The following TRIP12 variants were observed in gnomAD, a reference collection of about 807,000 sequenced individuals.
TRIP12 encodes E3 ubiquitin-protein ligase TRIP12.
TRIP12 carries 25 observed loss-of-function variants against 244.2 expected under a neutral mutation model. The ratio of observed to expected loss-of-function variants is 0.10; its 90% confidence interval spans 0.07 to 0.14. TRIP12 has a LOEUF of 0.14. Ranked by LOEUF, TRIP12 falls within the 10% of genes least tolerant of loss-of-function variation. The pLI is 1.00. For missense variants in TRIP12, 1,677 were observed against 2,486.4 expected, an observed-to-expected ratio of 0.67 and a Z score of 6.92; for synonymous variants, 905 against 873.1, an observed-to-expected ratio of 1.04 and a Z score of -0.64.
chr2:229,843,731 A>G (rs1204188243), intron 4 of TRIP12, among the ~76,000 whole-genome samples: 1 of 152,178 alleles, frequency 6.6e-6, no homozygotes, highest in Non-Finnish European at 1.5e-5. Flanking sequence ...AAATAAATAA[A>G]TAAAAATAAA....
chr2:229,831,931 T>C (rs1479897428), intron 6 of TRIP12, among the ~76,000 whole-genome samples: 2 of 150,144 alleles, frequency 1.3e-5, no homozygotes, highest in African/African-American at 4.9e-5. Context: ...ACATAAGCTC[T>C]TCCACAATAC....
At chr2:229,919,779 T>C (rs1461111038) in intron 1 of TRIP12, among the ~76,000 whole-genome samples, 1 of 152,150 alleles carries the variant, frequency 6.6e-6, no homozygotes, top group Non-Finnish European at 1.5e-5. Flanking sequence ...ATTGGCACAT[T>C]CATAGAAAGG....
chr2:229,799,121 T>C, intron 22 of TRIP12, 72 bp from the exon 23 acceptor site: 3 of 1,569,916 alleles, frequency 1.9e-6, no homozygotes, highest in Non-Finnish European at 2.6e-6. Context: ...ATTTTTAAGA[T>C]TCACAGTCTT....
At chr2:229,838,495 A>C (rs1436587352) in intron 5 of TRIP12, among the ~76,000 whole-genome samples, 1 of 152,234 alleles carries the variant, frequency 6.6e-6, no homozygotes, top group African/African-American at 2.4e-5. Context: ...TGCGCACAGC[A>C]TGATCATGCC....
chr2:229,824,857 A>G (rs74001438), intron 8 of TRIP12, among the ~76,000 whole-genome samples: 8,862 of 152,268 alleles, frequency 0.058, 863 homozygotes, highest in African/African-American at 0.2. Context: ...AAGCAAAAGA[A>G]GATAAGATTT....
intron 2 of TRIP12, among the ~76,000 whole-genome samples, chr2:229,861,669 C>G (rs2060506709): frequency 6.6e-6 from 1 of 152,180 alleles, no homozygotes; most frequent in African/African-American, 2.4e-5. Flanking sequence ...GTACAACCAT[C>G]TGTTCCAAAA....
chr2:229,818,983 CACA>C (rs2049194336), intron 8 of TRIP12, among the ~76,000 whole-genome samples: 1 of 150,848 alleles, frequency 6.6e-6, no homozygotes, highest in African/African-American at 2.4e-5. Flanking sequence ...AAATAAAAAA[CACA>C]ACAACGTATC....
upstream of TRIP12, chr2:229,922,509 C>G: frequency 1.2e-6 from 2 of 1,613,968 alleles, no homozygotes; most frequent in Non-Finnish European, 1.7e-6. Flanking sequence ...CGGTGGCGTC[C>G]CAAGATGGCG....
At chr2:229,862,534 A>C (rs2060641976) in intron 2 of TRIP12, among the ~76,000 whole-genome samples, 2 of 152,220 alleles carry the variant, frequency 1.3e-5, no homozygotes, top group Non-Finnish European at 2.9e-5. Flanking sequence ...TTTCATTTTA[A>C]AATTTAAAAT....
chr2:229,878,455 A>G (rs964059700), intron 2 of TRIP12, among the ~76,000 whole-genome samples: 2 of 151,772 alleles, frequency 1.3e-5, no homozygotes, highest in African/African-American at 2.4e-5. Flanking sequence ...AAAAAAAAAA[A>G]AAAGAAAACA....
chr2:229,792,807 T>C (rs577043462), intron 27 of TRIP12, among the ~76,000 whole-genome samples, 166 bp downstream of exon 27: 2 of 152,324 alleles, frequency 1.3e-5, no homozygotes, highest in Admixed American at 1.3e-4. Context: ...GTAAGTTCAA[T>C]GTATGACTAT....
In TRIP12 at chr2:229,868,963, G is replaced by C. The variant is rs531577216; in HGVS notation, c.99-8432C>G. 8.5e-5 allele frequency among the ~76,000 whole-genome samples: 13 copies of C among 152,312 alleles called. 1 individual carries two copies. The highest frequency in any genetic ancestry group is 3.1e-4 in the African/African-American group (13 of 41,574). ...TGCTTCAGCCAAGGGAATGTGAACA[G>C]AAGTGAATCACTGCTGGGGGAAGTT... On this transcript the variant is annotated intron_variant, in intron 2 of 41. Coordinates refer to ENST00000675903, the MANE Select transcript of TRIP12 (RefSeq NM_001348323.3).
chr2:229,804,156 A>T lies in TRIP12; in HGVS notation c.2722T>A (p.Ser908Thr), dbSNP rs777664064. Residue 908 changes from serine (S) to threonine (T), a missense_variant, in exon 19 of 42, where the codon TCT becomes ACT. Transcript: ENST00000675903. The part of the protein sequence containing the change: ...LMKEDPELAK[S>T]FIKTLFGVLY... ...ACACCAAATAATGTCTTAATAAAAG[A>T]CTTAGCCAGTTCCGGATCCTCTTTC... 1.2e-6 allele frequency: 2 copies of T among 1,614,162 alleles called. No individual in the cohort carries two copies. The highest frequency in any genetic ancestry group is 2.2e-5 in the South Asian group (2 of 91,078).
intron 2 of TRIP12, among the ~76,000 whole-genome samples, chr2:229,879,450 A>T (rs2064361735): frequency 6.6e-6 from 1 of 152,128 alleles, no homozygotes; most frequent in East Asian, 1.9e-4. Context: ...ATATGTAACT[A>T]CTCCAACTAA....
rs934894304 is a variant in TRIP12 at position 229,766,477 on chromosome 2, C to T, written c.*1077G>A. On this transcript the variant is annotated 3_prime_UTR_variant, in exon 42 of 42. Transcript: ENST00000675903. ...CACATAAAATGACTGGACAGCATTG[C>T]TTACAGGTGCTTTTATCTGCGTCGA... 1 of 152,154 alleles carries T rather than the reference C, an allele frequency of 6.6e-6. No homozygotes were observed. The highest frequency in any genetic ancestry group is 1.5e-5 in the Non-Finnish European group (1 of 68,024). The allele number at this position is 152,154 out of a possible 1,614,324, so 9.4% of individuals were successfully genotyped here. A position where few individuals can be genotyped will look rare whatever the true frequency, so the allele number is the denominator to read the frequency against.
intron 3 of TRIP12, 103 bp from the exon 4 acceptor site, chr2:229,859,677 TCCAG>T: frequency 2.3e-6 from 3 of 1,295,436 alleles, no homozygotes; most frequent in Non-Finnish European, 3.2e-6. Flanking sequence ...TCCTACTAAG[TCCAG>T]TATTAAACAT....
At chr2:229,908,294 C>T (rs2073401695) in intron 1 of TRIP12, among the ~76,000 whole-genome samples, 1 of 152,072 alleles carries the variant, frequency 6.6e-6, no homozygotes. Flanking sequence ...AAAAAGGGAA[C>T]CAGGAATTTA....
At chr2:229,847,647 CCAAT>C (rs1370728209) in intron 4 of TRIP12, among the ~76,000 whole-genome samples, 6 of 152,270 alleles carry the variant, frequency 3.9e-5, no homozygotes, top group Middle Eastern at 3.4e-3. Context: ...AGATTAACTA[CCAAT>C]CAAACTGACA....
chr2:229,846,464 T>G (rs2057602738), intron 4 of TRIP12, among the ~76,000 whole-genome samples: 1 of 152,176 alleles, frequency 6.6e-6, no homozygotes, highest in African/African-American at 2.4e-5. Flanking sequence ...TGTACATTGT[T>G]TTTTTAGACA....
Sources: allele counts gnomAD v4.1 joint callset (sites outside exome capture counted in the v4.1 genomes callset), GRCh38; gene constraint gnomAD v4.1.1; transcripts MANE v1.5; gene names NCBI Gene and HGNC (gene_info 2026-07-23, HGNC 2026-07-21).